Variants in VIPAS39 observed in about 807,000 individuals in gnomAD.
The protein encoded by VIPAS39 is VPS33B interacting protein, apical-basolateral polarity regulator, spe-39 homolog, also known as spermatogenesis-defective protein 39 homolog.
In VIPAS39, 63 loss-of-function variants were observed where a neutral mutation model predicts 84.7. The observed-to-expected ratio is 0.74, with a 90% CI of 0.61 to 0.92. The LOEUF is 0.92. VIPAS39 is among the 40% of genes least tolerant of loss of function. The pLI is 0.00. For synonymous variants in VIPAS39, 192 were observed against 216.5 expected, an observed-to-expected ratio of 0.89 and a Z score of 0.99; for missense variants, 499 against 604.5, an observed-to-expected ratio of 0.83 and a Z score of 1.83.
intron 17 of VIPAS39, 50 bp downstream of exon 17, chr14:77,429,631 G>A (rs757578516): frequency 1.8e-5 from 29 of 1,583,792 alleles, no homozygotes; most frequent in Middle Eastern, 1.7e-4. Context: ...GAGGCTTAAA[G>A]TTAGGTCTCC....
Position 77,451,315 on chromosome 14 carries a change from CTGATGGACCATGAGATACCTG to C in VIPAS39, c.197-3_214del. 6.2e-7 allele frequency: 1 copy of C among 1,614,210 alleles called. No homozygotes were observed. Among genetic ancestry groups the C allele is most frequent in the Non-Finnish European group, 8.5e-7 (1 of 1,180,034 alleles). The stretch of plus-strand genomic sequence containing the variant: ...TGAGCCGCTATTACCAGCAGTCTCT[CTGATGGACCATGAGATACCTG>C]TGAGATAGTAAGAACTACATCAGCA... On this transcript the variant is annotated splice_acceptor_variant and splice_polypyrimidine_tract_variant and coding_sequence_variant and intron_variant, in exon 4 of 20. Transcript: ENST00000557658. LOFTEE classifies it high-confidence loss of function.
In VIPAS39 at chr14:77,427,355, C is replaced by T. The variant is rs2078445789; in HGVS notation, c.*261G>A. ...AGATCTTACCCAGTAGGGGCCCAATCTAGAAATCACTCCCACCTTCATATG... is the reference window on the plus strand; with the variant it reads ...AGATCTTACCCAGTAGGGGCCCAATTTAGAAATCACTCCCACCTTCATATG... On this transcript the variant is annotated 3_prime_UTR_variant, in exon 20 of 20. Transcript: ENST00000557658. The T allele has an allele frequency of 3.7e-6, 2 of 543,334 alleles. No homozygotes were observed. Among genetic ancestry groups the T allele is most frequent in the South Asian group, 4.4e-5 (2 of 45,442 alleles). 33.7% of individuals were successfully genotyped at this position (543,334 alleles called of 1,614,324 possible).
chr14:77,426,933 G>A lies in VIPAS39; in HGVS notation c.*683C>T, dbSNP rs4223. ...GCATCTGAGCTTCTTATAAAGTGAC[G>A]GGTCTTGGCCAGCAGTAGAGGAAGA... On this transcript the variant is annotated 3_prime_UTR_variant, in exon 20 of 20. Coordinates refer to ENST00000557658, the MANE Select transcript of VIPAS39 (RefSeq NM_001193315.2). 66,566 of 152,134 alleles carry A rather than the reference G, an allele frequency of 0.44. 16,948 individuals carry two copies. Among genetic ancestry groups the A allele is most frequent in the East Asian group, 0.93 (4,777 of 5,162 alleles). 9.4% of individuals were successfully genotyped at this position (152,134 alleles called of 1,614,324 possible). A position where few individuals can be genotyped will look rare whatever the true frequency, so the allele number is the denominator to read the frequency against.
intron 1 of VIPAS39, chr14:77,457,287 GTCCGCT>G: frequency 2.0e-6 from 3 of 1,535,662 alleles, no homozygotes; most frequent in Non-Finnish European, 1.7e-6. Context: ...TGAACCAAAT[GTCCGCT>G]TCCGAACCAA....
chr14:77,434,469 C>G (rs1173112775), intron 14 of VIPAS39, among the ~76,000 whole-genome samples, 166 bp from the exon 15 acceptor site: 3 of 152,152 alleles, frequency 2.0e-5, no homozygotes, highest in Non-Finnish European at 4.4e-5. Flanking sequence ...AGTCAGATAC[C>G]ACTATAAGCT....
chr14:77,437,700 C>A, intron 12 of VIPAS39, 108 bp downstream of exon 12: 2 of 1,160,468 alleles, frequency 1.7e-6, no homozygotes, highest in Non-Finnish European at 2.6e-6. Flanking sequence ...TGGTATGATT[C>A]ATTGTTAGCC....
chr14:77,447,965 C>CTTTTTTTTTTTTTTT (rs1301071234), intron 7 of VIPAS39, among the ~76,000 whole-genome samples: 40 of 138,892 alleles, frequency 2.9e-4, no homozygotes, highest in African/African-American at 1.1e-3. Flanking sequence ...CCCGGCTTCT[C>CTTTTTTTTTTTTTTT]TTTTTTTTTT....
At chr14:77,453,034 T>A (rs893372314) in intron 3 of VIPAS39, among the ~76,000 whole-genome samples, 5 of 152,144 alleles carry the variant, frequency 3.3e-5, no homozygotes, top group African/African-American at 1.2e-4. Context: ...TAGGAGTATG[T>A]CATTTTAACA....
intron 16 of VIPAS39, among the ~76,000 whole-genome samples, chr14:77,430,749 G>C (rs72683209): frequency 6.6e-6 from 1 of 151,584 alleles, no homozygotes; most frequent in Non-Finnish European, 1.5e-5. Flanking sequence ...GGGGGGGTAG[G>C]GGTAGGAGGC....
intron 7 of VIPAS39, among the ~76,000 whole-genome samples, chr14:77,448,198 C>T (rs922763142): frequency 6.6e-6 from 1 of 152,072 alleles, no homozygotes; most frequent in South Asian, 2.1e-4. Context: ...TCGTGATCCA[C>T]CCTCCTCGGC....
At chr14:77,447,338 A>AT (rs57819334) in intron 7 of VIPAS39, among the ~76,000 whole-genome samples, 45,161 of 146,322 alleles carry the variant, frequency 0.31, 7,263 homozygotes, top group African/African-American at 0.42. Flanking sequence ...CACCTGGCTA[A>AT]TTTTTTTTTT....
At chr14:77,448,857 T>C (rs2078839226) in intron 6 of VIPAS39, among the ~76,000 whole-genome samples, 1 of 152,228 alleles carries the variant, frequency 6.6e-6, no homozygotes, top group African/African-American at 2.4e-5. Context: ...TTTAGGATTC[T>C]AACAATTAAT....
intron 12 of VIPAS39, among the ~76,000 whole-genome samples, chr14:77,437,192 A>G (rs1299115996): frequency 6.6e-6 from 1 of 152,218 alleles, no homozygotes; most frequent in Non-Finnish European, 1.5e-5. Flanking sequence ...GGTAGACTCT[A>G]CACCTGTCTT....
chr14:77,451,149 A>T, intron 4 of VIPAS39, 38 bp downstream of exon 4: 2 of 1,614,032 alleles, frequency 1.2e-6, no homozygotes, highest in Non-Finnish European at 1.7e-6. Context: ...CTGGAAAAAG[A>T]GAAGGACTTC....
intron 7 of VIPAS39, among the ~76,000 whole-genome samples, chr14:77,446,853 C>T (rs907183375): frequency 2.0e-5 from 3 of 151,940 alleles, no homozygotes; most frequent in Non-Finnish European, 4.4e-5. Context: ...GCTCTGTTGC[C>T]TAAGCTGGAA....
At chr14:77,445,435 TTATC>T (rs2078773473) in intron 7 of VIPAS39, among the ~76,000 whole-genome samples, 1 of 152,052 alleles carries the variant, frequency 6.6e-6, no homozygotes, top group African/African-American at 2.4e-5. Flanking sequence ...TGTTGTTGTT[TTATC>T]TGAGACAGGG....
intron 16 of VIPAS39, among the ~76,000 whole-genome samples, chr14:77,432,863 C>T (rs188159464): frequency 1.4e-3 from 219 of 152,150 alleles, no homozygotes; most frequent in Middle Eastern, 3.4e-3. Context: ...TGGAAATTTG[C>T]TAAGAGAGTG....
intron 8 of VIPAS39, 64 bp downstream of exon 8, chr14:77,444,181 TTTGA>T (rs2078749326): frequency 6.8e-7 from 1 of 1,462,350 alleles, no homozygotes; most frequent in Non-Finnish European, 9.5e-7. Flanking sequence ...TGTTAGTCTA[TTTGA>T]TTGGATTTTC....
intron 16 of VIPAS39, among the ~76,000 whole-genome samples, chr14:77,433,263 C>T (rs530677507): frequency 4.5e-4 from 68 of 152,014 alleles, no homozygotes; most frequent in African/African-American, 1.2e-3. Context: ...TGCAATGGTG[C>T]AATCTTGGCT....
Sources: allele counts gnomAD v4.1 joint callset (sites outside exome capture counted in the v4.1 genomes callset), GRCh38; gene constraint gnomAD v4.1.1; transcripts MANE v1.5; gene names NCBI Gene and HGNC (gene_info 2026-07-23, HGNC 2026-07-21).